PSD3: variants seen among roughly 807,000 people sequenced by gnomAD.
PSD3 encodes PH and SEC7 domain-containing protein 3.
Under a neutral mutation model 105.5 loss-of-function variants are expected in PSD3, and 49 were observed. The observed-to-expected ratio is 0.46, with a 90% CI of 0.37 to 0.59. The LOEUF (loss-of-function observed/expected upper bound fraction) is 0.59. PSD3 is among the 20% of genes least tolerant of loss of function. The pLI, the probability that PSD3 is intolerant of heterozygous loss-of-function variation, is 0.00. For synonymous variants in PSD3, 557 were observed against 457.8 expected, an observed-to-expected ratio of 1.22 and a Z score of -2.77; for missense variants, 1,561 against 1,263.8, an observed-to-expected ratio of 1.24 and a Z score of -3.57.
intron 9 of PSD3, among the ~76,000 whole-genome samples, chr8:18,737,673 T>C (rs181674405): frequency 6.6e-6 from 1 of 152,172 alleles, no homozygotes; most frequent in Non-Finnish European, 1.5e-5. Flanking sequence ...TAAATAAGTC[T>C]TGCAAATATC....
At chr8:19,035,377 C>G (rs1166343658) in intron 1 of PSD3, among the ~76,000 whole-genome samples, 1 of 152,124 alleles carries the variant, frequency 6.6e-6, no homozygotes, top group Non-Finnish European at 1.5e-5. Flanking sequence ...AACATGAAAA[C>G]TGCTATTAAT....
intron 9 of PSD3, among the ~76,000 whole-genome samples, chr8:18,743,074 C>T (rs1804707236): frequency 6.6e-6 from 1 of 152,156 alleles, no homozygotes; most frequent in Admixed American, 6.5e-5. Context: ...ATATTGATAG[C>T]AGGCTTCTCT....
intron 9 of PSD3, among the ~76,000 whole-genome samples, chr8:18,681,447 A>G (rs1227822577): frequency 6.5e-5 from 6 of 91,858 alleles, no homozygotes; most frequent in Non-Finnish European, 1.1e-4. Flanking sequence ...TTTCTGTTTC[A>G]AAAAAAAAAA....
intron 1 of PSD3, among the ~76,000 whole-genome samples, chr8:19,040,921 C>G (rs949656267): frequency 6.6e-6 from 1 of 152,114 alleles, no homozygotes; most frequent in Non-Finnish European, 1.5e-5. Flanking sequence ...GAGACAGGGT[C>G]TCACTCTGTC....
At chr8:18,633,355 G>A (rs1183335525) in intron 10 of PSD3, among the ~76,000 whole-genome samples, 1 of 152,034 alleles carries the variant, frequency 6.6e-6, no homozygotes, top group African/African-American at 2.4e-5. Flanking sequence ...AAGCTACTAT[G>A]GATTAGAATG....
At chr8:18,920,531 T>C (rs1045599103) in intron 2 of PSD3, among the ~76,000 whole-genome samples, 3 of 152,136 alleles carry the variant, frequency 2.0e-5, no homozygotes, top group Non-Finnish European at 4.4e-5. Context: ...TTTTAGTAAA[T>C]TTGCAAACAA....
At chr8:18,683,757 A>G (rs1800508777) in intron 9 of PSD3, 3 of 764,242 alleles carry the variant, frequency 3.9e-6, no homozygotes, top group Non-Finnish European at 7.2e-6. Flanking sequence ...ATAAGGTTCA[A>G]TGTGGTATTT....
At chr8:18,786,213 G>C (rs572103395) in intron 8 of PSD3, among the ~76,000 whole-genome samples, 9 of 151,998 alleles carry the variant, frequency 5.9e-5, no homozygotes, top group African/African-American at 1.7e-4. Flanking sequence ...CAAACAAAAA[G>C]TTTTCCAATT....
At chr8:18,649,958 G>A (rs1021701109) in intron 10 of PSD3, among the ~76,000 whole-genome samples, 5 of 152,108 alleles carry the variant, frequency 3.3e-5, no homozygotes, top group African/African-American at 9.7e-5. Flanking sequence ...CTTCCTGTAC[G>A]GCCTGAAGAC....
intron 4 of PSD3, among the ~76,000 whole-genome samples, chr8:18,859,137 A>G (rs1816242544): frequency 6.6e-6 from 1 of 152,056 alleles, no homozygotes. Flanking sequence ...CATTAGAACT[A>G]CATCAGTCTT....
chr8:18,903,445 TC>T (rs1444576170), intron 2 of PSD3, among the ~76,000 whole-genome samples: 4 of 151,852 alleles, frequency 2.6e-5, no homozygotes, highest in Non-Finnish European at 5.9e-5. Context: ...GAGTGTGGGG[TC>T]AGGAAATAGC....
chr8:19,002,468 T>A (rs1292216087), intron 1 of PSD3, among the ~76,000 whole-genome samples: 1 of 152,142 alleles, frequency 6.6e-6, no homozygotes, highest in Non-Finnish European at 1.5e-5. Context: ...AGTTCTAGTA[T>A]CTACTGAAGA....
intron 11 of PSD3, among the ~76,000 whole-genome samples, chr8:18,618,627 AC>A: frequency 2.1e-5 from 3 of 140,872 alleles, no homozygotes; most frequent in Non-Finnish European, 5.0e-5. Flanking sequence ...AGTGTACTAC[AC>A]ACCATAACAG....
chr8:18,887,840 T>C (rs976067374), intron 2 of PSD3, among the ~76,000 whole-genome samples: 5 of 152,144 alleles, frequency 3.3e-5, no homozygotes, highest in African/African-American at 1.2e-4. Context: ...ATAAGCAGGA[T>C]AGAAAGTATT....
chr8:18,575,426 A>G, intron 12 of PSD3, 141 bp from the exon 13 acceptor site: 1 of 757,826 alleles, frequency 1.3e-6, no homozygotes, highest in South Asian at 3.0e-5. Flanking sequence ...GTGAGTAAAA[A>G]CAACCTTATA....
chr8:18,692,027 A>G (rs1189017045), intron 9 of PSD3, among the ~76,000 whole-genome samples: 2 of 152,222 alleles, frequency 1.3e-5, no homozygotes, highest in Non-Finnish European at 2.9e-5. Context: ...TGGGTCACTT[A>G]TGAATTTCTA....
At chr8:18,946,212 A>G (rs919472237) in intron 1 of PSD3, among the ~76,000 whole-genome samples, 9 of 152,136 alleles carry the variant, frequency 5.9e-5, no homozygotes, top group Admixed American at 5.9e-4. Flanking sequence ...AAAACTATCC[A>G]TTCCCTCAGT....
chr8:18,568,781 G>A (rs1339849528), intron 14 of PSD3, among the ~76,000 whole-genome samples: 1 of 151,530 alleles, frequency 6.6e-6, no homozygotes. Context: ...ACGTATACAT[G>A]TGCCATGCTG....
rs1046034146 is a variant in PSD3 at position 18,528,999 on chromosome 8, G to C, written c.*6744C>G. The C allele has an allele frequency of 1.3e-5, 2 of 152,184 alleles. No homozygotes were observed. Among genetic ancestry groups the C allele is most frequent in the Non-Finnish European group, 2.9e-5 (2 of 68,046 alleles). 9.4% of individuals were successfully genotyped at this position (152,184 alleles called of 1,614,324 possible). A position where few individuals can be genotyped will look rare whatever the true frequency, so the allele number is the denominator to read the frequency against. ...ACCAGTAAAGCTCAGAGGGGAGTGT[G>C]GACAAGGCACATCAGTGCTCCTACA... On this transcript the variant is annotated 3_prime_UTR_variant, in exon 16 of 16. Transcript: ENST00000327040.
Sources: gnomAD v4.1 joint callset for allele counts (sites outside exome capture counted in the v4.1 genomes callset) on GRCh38, gnomAD v4.1.1 for gene constraint, MANE v1.5 for transcripts, NCBI Gene and HGNC (gene_info 2026-07-23, HGNC 2026-07-21) for gene names.